ACAD11: variants seen among roughly 807,000 people sequenced by gnomAD.
ACAD11 encodes acyl-CoA dehydrogenase family member 11, also known as acyl-Coenzyme A dehydrogenase family, member 11.
ACAD11 carries 83 observed loss-of-function variants against 102.2 expected under a neutral mutation model. The observed-to-expected ratio is 0.81, with a 90% CI of 0.68 to 0.97. The LOEUF (loss-of-function observed/expected upper bound fraction) is 0.97. Ranked by LOEUF, ACAD11 falls within the 50% of genes least tolerant of loss-of-function variation. The probability of loss-of-function intolerance (pLI) is 0.00; values close to 1 mark genes in which losing one functional copy is unlikely to be tolerated. For missense variants in ACAD11, 901 were observed against 951.7 expected (o/e 0.95, Z 0.70); for synonymous variants, 324 against 319.8 (o/e 1.01, Z -0.14).
At chr3:132,575,954 A>T (rs753184855) in intron 16 of ACAD11, 28 bp from the exon 17 acceptor site, 2 of 1,612,128 alleles carry the variant, frequency 1.2e-6, no homozygotes. Flanking sequence ...AAAAAGGGGG[A>T]ATGTGAAAAT....
At chr3:132,579,786 A>G (rs922083576) in intron 13 of ACAD11, among the ~76,000 whole-genome samples, 10 of 152,152 alleles carry the variant, frequency 6.6e-5, no homozygotes, top group African/African-American at 2.4e-4. Flanking sequence ...ACACAAAAAT[A>G]ACCAGAAGTC....
rs1374725896 is a variant in ACAD11, at chr3:132,659,634, G to A, written c.118C>T (p.Arg40Cys). ...TGGGCAATGGTCAGCGTAGCCTCAC[G>A]TTCGGCCCCAAAGCCAGACAAGTGC... ...NQHLSGFGAE[R>C]EATLTIAQYR... The change falls in exon 1 of 20, where the codon CGT (arginine) becomes TGT (cysteine). Residue 40 changes from arginine (R) to cysteine (C), a missense_variant. Arg to Cys is a radical substitution (Grantham distance 180). Transcript: ENST00000264990. 2 of 1,610,354 alleles carry A rather than the reference G, an allele frequency of 1.2e-6. No homozygotes were observed. The highest frequency in any genetic ancestry group is 1.1e-5 in the South Asian group (1 of 90,486).
chr3:132,623,807 A>G (rs1939697081), intron 9 of ACAD11, among the ~76,000 whole-genome samples: 1 of 152,134 alleles, frequency 6.6e-6, no homozygotes, highest in Non-Finnish European at 1.5e-5. Context: ...ATGCTTATTC[A>G]CATTTACCAA....
chr3:132,635,230 A>T (rs1280838159), intron 5 of ACAD11, among the ~76,000 whole-genome samples: 1 of 151,996 alleles, frequency 6.6e-6, no homozygotes, highest in Non-Finnish European at 1.5e-5. Flanking sequence ...CCTTCACTGG[A>T]GGGTTCTATA....
intron 4 of ACAD11, among the ~76,000 whole-genome samples, chr3:132,640,022 A>AC: frequency 6.6e-6 from 1 of 152,106 alleles, no homozygotes; most frequent in African/African-American, 2.4e-5. Flanking sequence ...ACACACACAA[A>AC]TATATAGGCA....
chr3:132,602,722 CAT>C (rs1938667405), intron 13 of ACAD11, among the ~76,000 whole-genome samples: 2 of 152,154 alleles, frequency 1.3e-5, no homozygotes, highest in Admixed American at 6.5e-5. Flanking sequence ...ACCTAACCAA[CAT>C]ATGTTATTTT....
At position 132,559,377 on chromosome 3, in the gene ACAD11, A is replaced by G. The variant is rs566793713; in HGVS notation, c.2229-292T>C. Among the ~76,000 whole-genome samples the G allele has an allele frequency of 9.2e-5, 14 of 152,254 alleles. No homozygotes were observed. In the South Asian group the frequency reaches 2.9e-3, roughly 32 times the overall value. On this transcript the variant is annotated intron_variant, in intron 19 of 19. Coordinates refer to ENST00000264990, the MANE Select transcript of ACAD11 (RefSeq NM_032169.5). ...CTTAGAACAGGCAGTGACTGGTATG[A>G]TACTATATATTTAGTTCTTTCTTAA...
intron 11 of ACAD11, 95 bp from the exon 12 acceptor site, chr3:132,605,300 A>C: frequency 1.4e-6 from 1 of 711,964 alleles, no homozygotes. Flanking sequence ...GCATCTTTTT[A>C]AAGCAAATGT....
intron 9 of ACAD11, among the ~76,000 whole-genome samples, chr3:132,622,017 T>TTGTA (rs1186773001): frequency 6.8e-6 from 1 of 146,242 alleles, no homozygotes; most frequent in East Asian, 2.0e-4. Flanking sequence ...ACAATAACAA[T>TTGTA]CACTAATTTG....
intron 13 of ACAD11, among the ~76,000 whole-genome samples, chr3:132,599,478 C>T (rs940780139): frequency 6.6e-6 from 1 of 151,444 alleles, no homozygotes; most frequent in African/African-American, 2.4e-5. Context: ...TGCATTCCAG[C>T]CTGGGCAACA....
At chr3:132,576,070 T>A in intron 16 of ACAD11, 144 bp from the exon 17 acceptor site, 1 of 838,508 alleles carries the variant, frequency 1.2e-6, no homozygotes, top group South Asian at 1.9e-5. Flanking sequence ...TATAATAAGG[T>A]TCACTATGAA....
intron 11 of ACAD11, chr3:132,618,162 A>C (rs1183875616): frequency 1.3e-5 from 2 of 153,072 alleles, no homozygotes; most frequent in Non-Finnish European, 2.9e-5. Flanking sequence ...TAGATCCTTG[A>C]AAGAAGGCAT....
At chr3:132,650,294 T>G (rs1302432681) in intron 1 of ACAD11, 1 of 152,228 alleles carries the variant, frequency 6.6e-6, no homozygotes, top group African/African-American at 2.4e-5. Context: ...CCTGCCGTTA[T>G]CACAGTGTAA....
intron 17 of ACAD11, among the ~76,000 whole-genome samples, chr3:132,568,102 C>T (rs1390327583): frequency 2.0e-5 from 3 of 152,096 alleles, no homozygotes; most frequent in Non-Finnish European, 2.9e-5. Flanking sequence ...GTGGCAGGCA[C>T]CTGAATCCTA....
rs1370420834 is a variant in ACAD11 at position 132,596,987 on chromosome 3, C to A, written c.1621+6242G>T. 2.0e-5 allele frequency among the ~76,000 whole-genome samples: 3 copies of A among 152,146 alleles called. No individual in the cohort carries two copies. In the East Asian group the frequency reaches 5.8e-4, roughly 29 times the overall value. The stretch of plus-strand genomic sequence containing the variant: ...CCTACAAGTGCTGCCTAGATGCCCT[C>A]AGGTGGATTCTCCTTCTGGTTCAGC... On this transcript the variant is annotated intron_variant, in intron 13 of 19. Coordinates refer to ENST00000264990, the MANE Select transcript of ACAD11 (RefSeq NM_032169.5).
intron 8 of ACAD11, among the ~76,000 whole-genome samples, chr3:132,628,053 G>A (rs1413704066): frequency 6.6e-6 from 1 of 152,118 alleles, no homozygotes; most frequent in Admixed American, 6.5e-5. Context: ...ATATGTAAGT[G>A]ACTTAAATAT....
intron 1 of ACAD11, among the ~76,000 whole-genome samples, chr3:132,649,474 C>T (rs560598227): frequency 6.6e-6 from 1 of 152,362 alleles, no homozygotes; most frequent in South Asian, 2.1e-4. Flanking sequence ...CCTACGTGCA[C>T]ATCTAGGCAT....
At chr3:132,608,411 A>C (rs1008015550) in intron 11 of ACAD11, among the ~76,000 whole-genome samples, 2 of 152,180 alleles carry the variant, frequency 1.3e-5, no homozygotes, top group Non-Finnish European at 2.9e-5. Context: ...ATAGGCTCAA[A>C]ATAAAGGGAT....
At chr3:132,655,978 T>C (rs1388258059) in intron 1 of ACAD11, among the ~76,000 whole-genome samples, 1 of 152,212 alleles carries the variant, frequency 6.6e-6, no homozygotes, top group Non-Finnish European at 1.5e-5. Flanking sequence ...GGAATAGTAA[T>C]GCCACAAACA....
Sources: allele counts gnomAD v4.1 joint callset (sites outside exome capture counted in the v4.1 genomes callset), GRCh38; gene constraint gnomAD v4.1.1; transcripts MANE v1.5; gene names NCBI Gene and HGNC (gene_info 2026-07-23, HGNC 2026-07-21).